ASAP1: variants seen among roughly 807,000 people sequenced by gnomAD.
The protein encoded by ASAP1 is ArfGAP with SH3 domain, ankyrin repeat and PH domain 1, also known as arf-GAP with SH3 domain, ANK repeat and PH domain-containing protein 1.
A neutral mutation model predicts 145.2 loss-of-function variants in ASAP1; 43 were observed. The observed-to-expected ratio is 0.30, with a 90% confidence interval of 0.23 to 0.38. The LOEUF (loss-of-function observed/expected upper bound fraction) is 0.38, where lower values mean the gene tolerates loss of function less well. ASAP1 is among the 10% of genes least tolerant of loss of function. The pLI, the probability that ASAP1 is intolerant of heterozygous loss-of-function variation, is 1.00. For synonymous variants in ASAP1, 546 were observed against 515.5 expected (o/e 1.06, Z -0.80); for missense variants, 1,018 against 1,355.3 (o/e 0.75, Z 3.91).
intron 1 of ASAP1, among the ~76,000 whole-genome samples, chr8:130,428,158 T>C (rs1829994348): frequency 6.6e-6 from 1 of 152,024 alleles, no homozygotes; most frequent in African/African-American, 2.4e-5. Flanking sequence ...CAAACGTCAC[T>C]TCACCTCTTG....
intron 1 of ASAP1, among the ~76,000 whole-genome samples, chr8:130,438,114 C>T (rs150742187): frequency 2.4e-4 from 37 of 152,282 alleles, no homozygotes; most frequent in African/African-American, 8.9e-4. Flanking sequence ...CAAGAGAGCT[C>T]ATGTGCCTCT....
At chr8:130,271,989 A>C (rs1000107838) in intron 3 of ASAP1, among the ~76,000 whole-genome samples, 5 of 152,148 alleles carry the variant, frequency 3.3e-5, no homozygotes, top group African/African-American at 2.4e-5. Flanking sequence ...GAAATAAAAA[A>C]TAAAAATAAA....
chr8:130,188,499 T>C (rs12547540), intron 5 of ASAP1, among the ~76,000 whole-genome samples: 29,132 of 151,640 alleles, frequency 0.19, 3,346 homozygotes, highest in East Asian at 0.44. Flanking sequence ...TTTGGGAGGC[T>C]GAGGCAGGAG....
chr8:130,191,893 C>T (rs1330772062), intron 5 of ASAP1, among the ~76,000 whole-genome samples: 3 of 152,042 alleles, frequency 2.0e-5, no homozygotes, highest in Admixed American at 6.6e-5. Flanking sequence ...TTAACTTCTT[C>T]CTAACCCTTT....
intron 2 of ASAP1, among the ~76,000 whole-genome samples, chr8:130,399,862 G>A (rs1330325245): frequency 3.4e-5 from 4 of 116,954 alleles, no homozygotes; most frequent in African/African-American, 1.7e-4. Context: ...TGTTGCCCAG[G>A]CTGGAGTAGT....
intron 2 of ASAP1, among the ~76,000 whole-genome samples, chr8:130,379,153 C>T (rs1827644963): frequency 6.6e-6 from 1 of 152,158 alleles, no homozygotes; most frequent in African/African-American, 2.4e-5. Flanking sequence ...CCCTAAACCA[C>T]AGAGATCAAG....
rs138353658 is a variant in ASAP1 at position 130,060,701 on chromosome 8, A to G, written c.3070T>C (p.Leu1024=). The G allele has an allele frequency of 4.2e-5, 67 of 1,614,122 alleles. No homozygotes were observed. The African/African-American group carries it at 4.9e-4, about 12-fold the overall frequency. Residue 1024 remains leucine, a synonymous_variant, in exon 28 of 30, where the codon TTG becomes CTG. Coordinates refer to ENST00000518721, the MANE Select transcript of ASAP1 (RefSeq NM_018482.4). ...GACTGCACATTTGGGGATAGATCCA[A>G]TGGGTGTGACTTCAGTGTGACCTCA... is the stretch of plus-strand genomic sequence containing the variant. ...PSEVTLKSHP[L]DLSPNVQSRD...
intron 3 of ASAP1, among the ~76,000 whole-genome samples, chr8:130,261,473 G>C (rs1239360620): frequency 6.6e-6 from 1 of 152,174 alleles, no homozygotes; most frequent in Non-Finnish European, 1.5e-5. Context: ...GAGATGTAGG[G>C]TGGTGGGAGG....
intron 3 of ASAP1, among the ~76,000 whole-genome samples, chr8:130,277,510 A>T (rs1820984791): frequency 6.6e-6 from 1 of 152,244 alleles, no homozygotes; most frequent in African/African-American, 2.4e-5. Flanking sequence ...TCCCATCTTT[A>T]AAAATGTAAG....
At chr8:130,422,725 A>G (rs1188624033) in intron 1 of ASAP1, among the ~76,000 whole-genome samples, 1 of 152,200 alleles carries the variant, frequency 6.6e-6, no homozygotes, top group East Asian at 1.9e-4. Flanking sequence ...AGGGGACAGG[A>G]GCCAGGGAAC....
chr8:130,107,516 ATGTATGTATGTATGTATGT>A (rs372412532), intron 24 of ASAP1, among the ~76,000 whole-genome samples: 14,147 of 81,806 alleles, frequency 0.17, 885 homozygotes, highest in South Asian at 0.31. Context: ...TTTTTAAAAA[ATGTATGTATGTATGTATGT>A]ATGTATGTAT....
Position 130,214,662 on chromosome 8 carries a change from T to C in ASAP1, c.299A>G (p.Asp100Gly). Residue 100 changes from aspartate (D) to glycine (G), a missense_variant, in exon 5 of 30, where the codon GAT becomes GGT. Physicochemically the swap from Asp to Gly is moderately conservative, Grantham distance 94. Transcript: ENST00000518721. ...QNEENYAQVL[D>G]KFGSNFLSRD... ...ACTTAAAAAATTACTCCCAAACTTA[T>C]CAAGAACTTGTGCATAGTTTTCTTC... 10 of 1,608,358 alleles carry C rather than the reference T, an allele frequency of 6.2e-6. No homozygotes were observed. The highest frequency in any genetic ancestry group is 1.1e-5 in the South Asian group (1 of 89,706).
intron 2 of ASAP1, among the ~76,000 whole-genome samples, chr8:130,375,481 G>A (rs1827441717): frequency 6.6e-6 from 1 of 151,726 alleles, no homozygotes; most frequent in Non-Finnish European, 1.5e-5. Context: ...GACTGCTTGA[G>A]CCCAGGAGTT....
chr8:130,054,815 GA>G lies in ASAP1; in HGVS notation c.3316-11del, dbSNP rs2097400070. The G allele has an allele frequency of 6.2e-7, 1 of 1,611,980 alleles. No homozygotes were observed. The highest frequency in any genetic ancestry group is 8.5e-7 in the Non-Finnish European group (1 of 1,178,298). On this transcript the variant is annotated splice_polypyrimidine_tract_variant and intron_variant, in intron 29 of 29. Coordinates refer to ENST00000518721, the MANE Select transcript of ASAP1 (RefSeq NM_018482.4). Reference sequence around the variant, plus strand: ...CTTCGATGTGGCCAATCTGCAGGGAGAAAAGAGAGTGGTCAGGATGGAGGCA... The same window carrying G: ...CTTCGATGTGGCCAATCTGCAGGGAGAAAGAGAGTGGTCAGGATGGAGGCA...
At chr8:130,393,799 T>C (rs968241937) in intron 2 of ASAP1, among the ~76,000 whole-genome samples, 6 of 152,206 alleles carry the variant, frequency 3.9e-5, no homozygotes, top group Non-Finnish European at 5.9e-5. Flanking sequence ...GCTGAAGCCG[T>C]GGCAGAAGAA....
At chr8:130,265,627 C>T (rs1032962312) in intron 3 of ASAP1, among the ~76,000 whole-genome samples, 1 of 151,034 alleles carries the variant, frequency 6.6e-6, no homozygotes, top group African/African-American at 2.4e-5. Flanking sequence ...GTAATCCCAG[C>T]ACTTTGGAAG....
chr8:130,145,389 C>T (rs1287523638), intron 13 of ASAP1, among the ~76,000 whole-genome samples: 1 of 152,154 alleles, frequency 6.6e-6, no homozygotes, highest in African/African-American at 2.4e-5. Context: ...GTGATCTTGG[C>T]TTACTGCAAC....
At chr8:130,160,704 C>T in intron 11 of ASAP1, 1 of 938,900 alleles carries the variant, frequency 1.1e-6, no homozygotes, top group Non-Finnish European at 1.4e-6. Context: ...ATAAAATCAA[C>T]AACGTTGAAC....
At chr8:130,117,806 G>C (rs1380706740) in intron 20 of ASAP1, among the ~76,000 whole-genome samples, 1 of 152,226 alleles carries the variant, frequency 6.6e-6, no homozygotes, top group Non-Finnish European at 1.5e-5. Flanking sequence ...CTGTGCAGCA[G>C]ATTTTTGGAT....
Sources: allele counts gnomAD v4.1 joint callset (sites outside exome capture counted in the v4.1 genomes callset), GRCh38; gene constraint gnomAD v4.1.1; transcripts MANE v1.5; gene names NCBI Gene and HGNC (gene_info 2026-07-23, HGNC 2026-07-21).